The following PCDHA3 variants were observed in gnomAD, a reference collection of about 807,000 sequenced individuals.
The protein encoded by PCDHA3 is protocadherin alpha-3.
PCDHA3 carries 41 observed loss-of-function variants against 62.2 expected under a neutral mutation model. The observed-to-expected ratio is 0.66, with a 90% CI of 0.51 to 0.86. The LOEUF is 0.86. PCDHA3 is among the 40% of genes least tolerant of loss of function. The pLI, the probability that PCDHA3 is intolerant of heterozygous loss-of-function variation, is 0.00. For synonymous variants in PCDHA3, 640 were observed against 555.4 expected, an observed-to-expected ratio of 1.15 and a Z score of -2.14; for missense variants, 1,304 against 1,241.2, an observed-to-expected ratio of 1.05 and a Z score of -0.76.
intron 1 of PCDHA3, among the ~76,000 whole-genome samples, chr5:140,975,626 G>A (rs1234889198): frequency 6.6e-6 from 1 of 152,156 alleles, no homozygotes; most frequent in African/African-American, 2.4e-5. Flanking sequence ...GATTTCCATG[G>A]TACGAAGATA....
intron 1 of PCDHA3, chr5:140,865,407 G>A (rs2048863469): frequency 6.6e-6 from 1 of 152,160 alleles, no homozygotes; most frequent in Non-Finnish European, 1.5e-5. Flanking sequence ...TGCTGAAAAG[G>A]AATTAGTAGT....
At chr5:140,871,624 A>C in intron 1 of PCDHA3, 2 of 1,409,596 alleles carry the variant, frequency 1.4e-6, no homozygotes, top group Non-Finnish European at 9.4e-7. Context: ...TTTAGATAAC[A>C]ATGTCTGTTC....
intron 1 of PCDHA3, chr5:140,841,663 G>A: frequency 2.5e-6 from 4 of 1,614,102 alleles, no homozygotes; most frequent in Non-Finnish European, 3.4e-6. Flanking sequence ...ACAGGCCGCT[G>A]CAGGTTTTCC....
intron 1 of PCDHA3, chr5:140,834,860 T>C: frequency 6.2e-7 from 1 of 1,610,304 alleles, no homozygotes; most frequent in Non-Finnish European, 8.5e-7. Flanking sequence ...GCGCGTCCGA[T>C]GCAGATATCG....
Position 140,843,293 on chromosome 5 carries a change from G to C in PCDHA3, c.2394+39702G>C. ...CCTGGTGAAGGATCATGGTGAACCT[G>C]CGCTGACCGCCACGGCCACGGTTCT... On this transcript the variant is annotated intron_variant, in intron 1 of 3. Transcript: ENST00000522353. 17 of 1,595,972 alleles carry C rather than the reference G, an allele frequency of 1.1e-5. 4 individuals are homozygous for C. The highest frequency in any genetic ancestry group is 1.5e-5 in the Non-Finnish European group (17 of 1,165,570).
intron 1 of PCDHA3, among the ~76,000 whole-genome samples, chr5:140,818,349 G>A (rs1214100703): frequency 1.3e-5 from 2 of 152,134 alleles, no homozygotes; most frequent in African/African-American, 4.8e-5. Context: ...CACTGTCAAA[G>A]TCATTGATTG....
Position 140,858,189 on chromosome 5 carries a change from T to C in PCDHA3, c.2394+54598T>C. The C allele has an allele frequency of 1.3e-6, 2 of 1,597,232 alleles. 1 individual carries two copies. Among genetic ancestry groups the C allele is most frequent in the Non-Finnish European group, 1.7e-6 (2 of 1,167,008 alleles). On this transcript the variant is annotated intron_variant, in intron 1 of 3. Coordinates refer to ENST00000522353, the MANE Select transcript of PCDHA3 (RefSeq NM_018906.3). ...TCCAGCTTGCTGGTGCTCACGCTGC[T>C]GCTGTACACTGCACTGAGGTGCTCG...
rs782603912 is a variant in PCDHA3, at chr5:140,803,391, T to C, written c.2194T>C (p.Cys732Arg). The change falls in exon 1 of 4, where the codon TGT becomes CGT. Residue 732 changes from cysteine to arginine, a missense_variant. Transcript: ENST00000522353. ...RCSAPPTEGD[C>R]GPGKPTLVCS... ...CTCCGCGCCGCCAACCGAAGGCGAC[T>C]GTGGGCCGGGCAAGCCCACGCTGGT... 2 of 1,614,234 alleles carry C rather than the reference T, an allele frequency of 1.2e-6. No individual in the cohort carries two copies. The highest frequency in any genetic ancestry group is 1.7e-6 in the Non-Finnish European group (2 of 1,180,046).
chr5:141,006,931 G>A (rs1268492539), intron 3 of PCDHA3, among the ~76,000 whole-genome samples: 1 of 152,158 alleles, frequency 6.6e-6, no homozygotes, highest in African/African-American at 2.4e-5. Flanking sequence ...ATTTCCAACT[G>A]GGGATACCAG....
chr5:140,884,606 C>T (rs1554181776), intron 1 of PCDHA3: 1 of 1,614,038 alleles, frequency 6.2e-7, no homozygotes, highest in African/African-American at 1.3e-5. Flanking sequence ...TCCTCCTTGT[C>T]TGGGTTCTGC....
At chr5:140,874,459 G>A (rs569536068) in intron 1 of PCDHA3, among the ~76,000 whole-genome samples, 3 of 152,196 alleles carry the variant, frequency 2.0e-5, no homozygotes, top group African/African-American at 7.2e-5. Flanking sequence ...GACCTGTAGG[G>A]GAAGATTTAG....
At chr5:141,005,650 C>T (rs1262025643) in intron 3 of PCDHA3, among the ~76,000 whole-genome samples, 4 of 126,784 alleles carry the variant, frequency 3.2e-5, no homozygotes, top group African/African-American at 9.3e-5. Context: ...TGCAGTGAGT[C>T]GAGATCGCGC....
At chr5:140,943,509 A>G (rs1053319828) in intron 1 of PCDHA3, among the ~76,000 whole-genome samples, 1 of 152,132 alleles carries the variant, frequency 6.6e-6, no homozygotes, top group East Asian at 1.9e-4. Flanking sequence ...GGTTCATGGA[A>G]ATGTTGAGTT....
chr5:140,902,976 G>T (rs2069915302), intron 1 of PCDHA3, among the ~76,000 whole-genome samples: 1 of 152,140 alleles, frequency 6.6e-6, no homozygotes, highest in African/African-American at 2.4e-5. Flanking sequence ...GGGCATTTAG[G>T]TTGGTTCCAT....
intron 3 of PCDHA3, among the ~76,000 whole-genome samples, chr5:140,996,747 T>C (rs940274322): frequency 1.3e-5 from 2 of 152,190 alleles, no homozygotes; most frequent in Non-Finnish European, 2.9e-5. Flanking sequence ...TAACAAATTA[T>C]ATCTGTGCAG....
At chr5:140,997,116 C>A (rs1554255739) in intron 3 of PCDHA3, among the ~76,000 whole-genome samples, 1 of 152,054 alleles carries the variant, frequency 6.6e-6, no homozygotes, top group Non-Finnish European at 1.5e-5. Context: ...CCTGCTCTCC[C>A]ACATACACAA....
intron 1 of PCDHA3, among the ~76,000 whole-genome samples, chr5:140,958,989 A>C (rs2095457963): frequency 6.6e-6 from 1 of 152,064 alleles, no homozygotes; most frequent in Non-Finnish European, 1.5e-5. Flanking sequence ...TATTGTTGCT[A>C]ATCTTTTACT....
At chr5:140,884,193 C>T (rs1554181316) in intron 1 of PCDHA3, 2 of 1,613,432 alleles carry the variant, frequency 1.2e-6, no homozygotes, top group African/African-American at 1.3e-5. Flanking sequence ...GAGGTGGACG[C>T]GCCGCACCAC....
intron 1 of PCDHA3, chr5:140,804,513 C>T (rs1763402270): frequency 6.6e-6 from 1 of 152,026 alleles, no homozygotes; most frequent in South Asian, 2.1e-4. Context: ...TTAAAACTAT[C>T]CCTACTAGCA....
Sources: allele counts gnomAD v4.1 joint callset (sites outside exome capture counted in the v4.1 genomes callset), GRCh38; gene constraint gnomAD v4.1.1; transcripts MANE v1.5; gene names NCBI Gene and HGNC (gene_info 2026-07-23, HGNC 2026-07-21).